The following BZW1 variants were observed in gnomAD, a reference collection of about 807,000 sequenced individuals.
BZW1 encodes the protein basic leucine zipper and W2 domains 1.
BZW1 carries 3 observed loss-of-function variants against 54.1 expected under a neutral mutation model. That is an observed-to-expected ratio of 0.06 (90% CI 0.03 to 0.14). The LOEUF is 0.14. Ranked by LOEUF, BZW1 falls within the 10% of genes least tolerant of loss-of-function variation. The pLI, the probability that BZW1 is intolerant of heterozygous loss-of-function variation, is 1.00. For synonymous variants in BZW1, 152 were observed against 162.7 expected, an observed-to-expected ratio of 0.93 and a Z score of 0.50; for missense variants, 206 against 491.7, an observed-to-expected ratio of 0.42 and a Z score of 5.50.
chr2:200,817,826 A>C (rs2105870483), intron 6 of BZW1, 148 bp from the exon 7 acceptor site: 1 of 575,908 alleles, frequency 1.7e-6, no homozygotes, highest in East Asian at 2.8e-5. Context: ...GAGAAGTGAT[A>C]AACTGTGGCC....
In BZW1 at chr2:200,813,213, C is replaced by T. The variant is rs1372609582; in HGVS notation, c.-5C>T. 1.2e-6 allele frequency: 2 copies of T among 1,613,018 alleles called. No individual in the cohort carries two copies. Among genetic ancestry groups the T allele is most frequent in the South Asian group, 2.2e-5 (2 of 91,052 alleles). ...CTTTATTTCTCCTTTCCTAGGGTGT[C>T]TTTTATGAATAATCAAAAGCAGCAA... On this transcript the variant is annotated 5_prime_UTR_variant, in exon 2 of 12. Transcript: ENST00000409600.
intron 2 of BZW1, 28 bp downstream of exon 2, chr2:200,813,309 T>C: frequency 6.3e-7 from 1 of 1,575,864 alleles, no homozygotes; most frequent in Non-Finnish European, 8.7e-7. Context: ...AATGTCTCTC[T>C]TCAAACCTCC....
At position 200,815,352 on chromosome 2, in the gene BZW1, A is replaced by G; in HGVS notation, c.76A>G (p.Arg26Gly). ...CCTTGTCCCCCCAGATGAAAAAGAG[A>G]GGTTTGACCCTACTCAGTTTCAAGA... ...FKTRKRDEKE[R>G]FDPTQFQDCI... The change falls in exon 3 of 12, where the codon AGG (arginine) becomes GGG (glycine). Residue 26 changes from arginine (R) to glycine (G), a missense_variant. Coordinates refer to ENST00000409600, the MANE Select transcript of BZW1 (RefSeq NM_001207067.2). The G allele has an allele frequency of 6.3e-7, 1 of 1,591,572 alleles. No individual in the cohort carries two copies. Among genetic ancestry groups the G allele is most frequent in the Non-Finnish European group, 8.6e-7 (1 of 1,169,044 alleles).
At chr2:200,819,755 C>G (rs150506039) in intron 9 of BZW1, among the ~76,000 whole-genome samples, 1 of 151,918 alleles carries the variant, frequency 6.6e-6, no homozygotes, top group Non-Finnish European at 1.5e-5. Context: ...AGGCTGGTCT[C>G]GAACTCCTGA....
intron 8 of BZW1, 85 bp from the exon 9 acceptor site, chr2:200,818,669 GT>G (rs1432084129): frequency 9.1e-6 from 13 of 1,436,108 alleles, no homozygotes; most frequent in African/African-American, 4.3e-5. Context: ...GGAGTTGTTA[GT>G]TTTTGTTAAA....
At chr2:200,816,442 G>C in intron 5 of BZW1, 52 bp downstream of exon 5, 2 of 1,321,532 alleles carry the variant, frequency 1.5e-6, no homozygotes, top group Admixed American at 2.1e-5. Flanking sequence ...GTTAGAAAGA[G>C]GAATGTTAAA....
intron 5 of BZW1, 42 bp from the exon 6 acceptor site, chr2:200,817,064 T>C: frequency 6.3e-7 from 1 of 1,599,158 alleles, no homozygotes; most frequent in Non-Finnish European, 8.5e-7. Context: ...CTTATTGTAA[T>C]GCAGTTGCTG....
chr2:200,827,206 C>T lies in BZW1; in HGVS notation c.*5028C>T, dbSNP rs1254598736. On this transcript the variant is annotated 3_prime_UTR_variant, in exon 12 of 12. Coordinates refer to ENST00000409600, the MANE Select transcript of BZW1 (RefSeq NM_001207067.2). Reference sequence around the variant, plus strand: ...ATTTAGCTCTTGGCACTCTAAAAAACCTCAAATACAGCCATCCAAGCCAGT... The same window carrying T: ...ATTTAGCTCTTGGCACTCTAAAAAATCTCAAATACAGCCATCCAAGCCAGT... 2.0e-5 allele frequency: 3 copies of T among 152,184 alleles called. No homozygotes were observed. Among genetic ancestry groups the T allele is most frequent in the Admixed American group, 6.5e-5 (1 of 15,274 alleles). 9.4% of individuals were successfully genotyped at this position (152,184 alleles called of 1,614,324 possible). A position where few individuals can be genotyped will look rare whatever the true frequency, so the allele number is the denominator to read the frequency against.
At chr2:200,819,468 T>C (rs564560839) in intron 9 of BZW1, among the ~76,000 whole-genome samples, 14 of 151,868 alleles carry the variant, frequency 9.2e-5, no homozygotes, top group African/African-American at 3.4e-4. Flanking sequence ...AAAATAGGAA[T>C]TTTTCCCCCC....
chr2:200,814,402 C>G (rs1303385249), intron 2 of BZW1, among the ~76,000 whole-genome samples: 2 of 152,166 alleles, frequency 1.3e-5, no homozygotes, highest in Non-Finnish European at 2.9e-5. Context: ...ACAAGACTTT[C>G]AGTGCTAAAA....
chr2:200,814,680 C>A (rs1162198260), intron 2 of BZW1, among the ~76,000 whole-genome samples: 2 of 152,158 alleles, frequency 1.3e-5, no homozygotes, highest in African/African-American at 4.8e-5. Context: ...AGACTATTTG[C>A]TTGAATTCAG....
chr2:200,819,891 G>A (rs1489250792), intron 9 of BZW1, 91 bp from the exon 10 acceptor site: 5 of 1,162,064 alleles, frequency 4.3e-6, no homozygotes, highest in Non-Finnish European at 4.5e-6. Flanking sequence ...TAAAAGATGA[G>A]TTAAGTTCTA....
chr2:200,825,485 C>T lies in BZW1; in HGVS notation c.*3307C>T, dbSNP rs2038668077. 2.6e-5 allele frequency: 4 copies of T among 152,156 alleles called. No homozygotes were observed. The South Asian group carries it at 8.3e-4, about 32-fold the overall frequency. 9.4% of individuals were successfully genotyped at this position (152,156 alleles called of 1,614,324 possible). On this transcript the variant is annotated 3_prime_UTR_variant, in exon 12 of 12. Transcript: ENST00000409600. ...TGGCAGGCATGTCTTTATGTTTATA[C>T]AGTGAAGTAGTATTTTTTCTGTCAG...
chr2:200,821,572 TTAA>T (rs2038514809), intron 11 of BZW1, among the ~76,000 whole-genome samples: 1 of 151,836 alleles, frequency 6.6e-6, no homozygotes, highest in Non-Finnish European at 1.5e-5. Context: ...TTTTTTTTAA[TTAA>T]AAATATAGAG....
chr2:200,814,708 A>G (rs2038222419), intron 2 of BZW1, among the ~76,000 whole-genome samples: 1 of 152,226 alleles, frequency 6.6e-6, no homozygotes, highest in African/African-American at 2.4e-5. Flanking sequence ...AATGGTGGTC[A>G]GGATTTGAAT....
At position 200,826,389 on chromosome 2, in the gene BZW1, A is replaced by ATAGATAGATAGATAGAT. The variant is rs1553604248; in HGVS notation, c.*4212_*4228dup. ...GATGAAGATATAGATAGATAGATAG[A>ATAGATAGATAGATAGAT]TAGATAGATAGATAGATATTTTTTT... On this transcript the variant is annotated 3_prime_UTR_variant, in exon 12 of 12. Coordinates refer to ENST00000409600, the MANE Select transcript of BZW1 (RefSeq NM_001207067.2). 8.9e-6 allele frequency: 1 copy of ATAGATAGATAGATAGAT among 111,756 alleles called. No homozygotes were observed. Among genetic ancestry groups the ATAGATAGATAGATAGAT allele is most frequent in the African/African-American group, 3.7e-5 (1 of 26,984 alleles). The allele number at this position is 111,756 out of a possible 1,614,324, so 6.9% of individuals were successfully genotyped here. A position where few individuals can be genotyped will look rare whatever the true frequency, so the allele number is the denominator to read the frequency against.
At chr2:200,816,858 A>G (rs1357042802) in intron 5 of BZW1, among the ~76,000 whole-genome samples, 3 of 152,144 alleles carry the variant, frequency 2.0e-5, no homozygotes, top group Non-Finnish European at 4.4e-5. Flanking sequence ...TAATGATACT[A>G]ATTCACTCAA....
chr2:200,818,784 A>T lies in BZW1; in HGVS notation c.849A>T (p.Lys283Asn). 1 of 1,586,686 alleles carries T rather than the reference A, an allele frequency of 6.3e-7. No individual in the cohort carries two copies. The highest frequency in any genetic ancestry group is 8.5e-7 in the Non-Finnish European group (1 of 1,173,412). Residue 283 changes from lysine to asparagine, a missense_variant, in exon 9 of 12, where the codon AAA becomes AAT. Lys to Asn is a moderately conservative substitution (Grantham distance 94, BLOSUM62 0). Coordinates refer to ENST00000409600, the MANE Select transcript of BZW1 (RefSeq NM_001207067.2). Reference sequence around the variant, plus strand: ...TTTTATATGTCAAGGAGGAGATGAAAAAAAACAACATCCCAGAGCCAGTTG... The same window carrying T: ...TTTTATATGTCAAGGAGGAGATGAATAAAAACAACATCCCAGAGCCAGTTG... Reference protein sequence around the residue: ...DIILYVKEEMKKNNIPEPVVI... With the variant: ...DIILYVKEEMNKNNIPEPVVI...
intron 9 of BZW1, among the ~76,000 whole-genome samples, chr2:200,819,327 T>G (rs1469489571): frequency 6.6e-6 from 1 of 152,114 alleles, no homozygotes; most frequent in African/African-American, 2.4e-5. Context: ...AGATCAAGAC[T>G]GCAGTGAGCT....
Sources: gnomAD v4.1 joint callset for allele counts (sites outside exome capture counted in the v4.1 genomes callset) on GRCh38, gnomAD v4.1.1 for gene constraint, MANE v1.5 for transcripts, NCBI Gene and HGNC (gene_info 2026-07-23, HGNC 2026-07-21) for gene names.